SLC7A14: variants seen among roughly 807,000 people sequenced by gnomAD.
The protein encoded by SLC7A14 is gamma-aminobutyric acid transporter SLC7A14.
In SLC7A14, 37 loss-of-function variants were observed where a neutral mutation model predicts 60.2. The observed-to-expected ratio is 0.61, with a 90% CI of 0.47 to 0.81. The LOEUF is 0.81. Ranked by LOEUF, SLC7A14 falls within the 30% of genes least tolerant of loss-of-function variation. The probability of loss-of-function intolerance (pLI) is 0.00; values close to 1 mark genes in which losing one functional copy is unlikely to be tolerated. For synonymous variants in SLC7A14, 399 were observed against 395.8 expected (o/e 1.01, Z -0.10); for missense variants, 886 against 982.7 (o/e 0.90, Z 1.32).
chr3:170,527,472 A>G (rs1170082060), intron 1 of SLC7A14, among the ~76,000 whole-genome samples: 2 of 152,212 alleles, frequency 1.3e-5, no homozygotes, highest in African/African-American at 4.8e-5. Flanking sequence ...TGCCTGGCGT[A>G]TGGAAAGTGC....
At chr3:170,473,491 T>C (rs1711512912) in intron 7 of SLC7A14, among the ~76,000 whole-genome samples, 1 of 152,178 alleles carries the variant, frequency 6.6e-6, no homozygotes, top group African/African-American at 2.4e-5. Flanking sequence ...TGCCTCTTGC[T>C]GGGGTGCACT....
intron 1 of SLC7A14, among the ~76,000 whole-genome samples, chr3:170,549,900 C>G (rs1029930813): frequency 6.6e-6 from 1 of 152,132 alleles, no homozygotes; most frequent in Admixed American, 6.5e-5. Context: ...CTTTATAATT[C>G]CAGGGGCAGA....
chr3:170,470,318 G>A (rs1739855951), intron 7 of SLC7A14, among the ~76,000 whole-genome samples: 1 of 151,414 alleles, frequency 6.6e-6, no homozygotes, highest in African/African-American at 2.4e-5. Context: ...ATGTGTGTGT[G>A]TGTGTGTGTG....
chr3:170,548,767 T>C (rs1443810837), intron 1 of SLC7A14, among the ~76,000 whole-genome samples: 1 of 152,260 alleles, frequency 6.6e-6, no homozygotes, highest in Non-Finnish European at 1.5e-5. Flanking sequence ...CCTTCAGGTC[T>C]CACTCTGAGC....
At chr3:170,516,058 G>A (rs1335763499) in intron 2 of SLC7A14, among the ~76,000 whole-genome samples, 1 of 152,190 alleles carries the variant, frequency 6.6e-6, no homozygotes, top group African/African-American at 2.4e-5. Flanking sequence ...TGCAGAAGAT[G>A]TAAAAGAAGC....
intron 7 of SLC7A14, among the ~76,000 whole-genome samples, chr3:170,472,974 T>TA (rs1208269393): frequency 1.3e-5 from 2 of 152,084 alleles, no homozygotes; most frequent in Non-Finnish European, 2.9e-5. Flanking sequence ...CTTTATATAT[T>TA]AAAAAAAGCA....
At chr3:170,545,184 T>C (rs570104258) in intron 1 of SLC7A14, among the ~76,000 whole-genome samples, 10 of 152,276 alleles carry the variant, frequency 6.6e-5, no homozygotes, top group East Asian at 5.8e-4. Context: ...GAAGAGGACA[T>C]TGGGTGTCAG....
intron 2 of SLC7A14, among the ~76,000 whole-genome samples, chr3:170,512,654 ATTTTTTTTTTTT>A (rs71176570): frequency 1.1e-4 from 7 of 63,168 alleles, no homozygotes; most frequent in South Asian, 9.6e-4. Flanking sequence ...TACAATTTGC[ATTTTTTTTTTTT>A]TTTTTTTTTT....
In SLC7A14 at chr3:170,517,573, T is replaced by G. The variant is rs527626048; in HGVS notation, c.304+9060A>C. 2.6e-5 allele frequency among the ~76,000 whole-genome samples: 4 copies of G among 152,356 alleles called. No individual in the cohort carries two copies. The South Asian group carries it at 8.3e-4, about 32-fold the overall frequency. ...TTCTGAAAGATAAAACAAGGGAACC[T>G]GTCAGACTATATAGACTGAGTCTTT... is the stretch of plus-strand genomic sequence containing the variant. On this transcript the variant is annotated intron_variant, in intron 2 of 7. Transcript: ENST00000231706.
chr3:170,582,513 G>A (rs1219622199), intron 1 of SLC7A14, among the ~76,000 whole-genome samples: 2 of 152,148 alleles, frequency 1.3e-5, no homozygotes, highest in Non-Finnish European at 2.9e-5. Context: ...GTTCTAGACA[G>A]TTTAAGGTTC....
At chr3:170,528,088 T>C (rs1713564576) in intron 1 of SLC7A14, among the ~76,000 whole-genome samples, 1 of 152,216 alleles carries the variant, frequency 6.6e-6, no homozygotes, top group Non-Finnish European at 1.5e-5. Context: ...ACTGGCACGT[T>C]TGCGGTGATT....
intron 4 of SLC7A14, among the ~76,000 whole-genome samples, chr3:170,487,685 G>C (rs1257269879): frequency 1.3e-5 from 2 of 152,172 alleles, no homozygotes; most frequent in Non-Finnish European, 2.9e-5. Flanking sequence ...TTGCTCATCT[G>C]TAAAATGAGC....
chr3:170,525,159 C>T (rs1353702239), intron 2 of SLC7A14, among the ~76,000 whole-genome samples: 1 of 152,244 alleles, frequency 6.6e-6, no homozygotes, highest in African/African-American at 2.4e-5. Context: ...GGTTGGCCCA[C>T]ATGATCTGCC....
At chr3:170,574,746 TG>T (rs1362211044) in intron 1 of SLC7A14, among the ~76,000 whole-genome samples, 1 of 152,164 alleles carries the variant, frequency 6.6e-6, no homozygotes, top group Non-Finnish European at 1.5e-5. Flanking sequence ...ATCCATCCTG[TG>T]GGGTTGTGCA....
Position 170,529,073 on chromosome 3 carries a change from T to C in SLC7A14, c.-152-1985A>G, listed in dbSNP as rs141861092. ...GAGAGGGTTTATTTTTGTTTTTCCC[T>C]GAAAAGCTTGGCCTTTATTATTTCT... On this transcript the variant is annotated intron_variant, in intron 1 of 7. Coordinates refer to ENST00000231706, the MANE Select transcript of SLC7A14 (RefSeq NM_020949.3). 3.2e-3 allele frequency among the ~76,000 whole-genome samples: 485 copies of C among 152,354 alleles called. 3 individuals carry two copies. Among genetic ancestry groups the C allele is most frequent in the African/African-American group, 0.011 (456 of 41,572 alleles).
At chr3:170,528,738 C>T (rs1170546511) in intron 1 of SLC7A14, among the ~76,000 whole-genome samples, 2 of 152,190 alleles carry the variant, frequency 1.3e-5, no homozygotes, top group Non-Finnish European at 2.9e-5. Flanking sequence ...ATTTAACAGG[C>T]TAGAGTGTCT....
intron 1 of SLC7A14, among the ~76,000 whole-genome samples, chr3:170,575,851 T>C (rs1715076129): frequency 6.6e-6 from 1 of 152,180 alleles, no homozygotes; most frequent in Non-Finnish European, 1.5e-5. Context: ...TGAATTCAAA[T>C]GATATTCCTA....
In SLC7A14 at chr3:170,496,420, C is replaced by T. The variant is rs947243716; in HGVS notation, c.759+2247G>A. On this transcript the variant is annotated intron_variant, in intron 4 of 7. Coordinates refer to ENST00000231706, the MANE Select transcript of SLC7A14 (RefSeq NM_020949.3). ...GAGGGCCTCAAAGGCCAGAGGGCTT[C>T]CCTGGAGGCCCCCATCGCAGATACC... is the stretch of plus-strand genomic sequence containing the variant. The T allele has an allele frequency of 1.3e-4, 163 of 1,298,126 alleles. 1 individual carries two copies. The Admixed American group carries it at 2.7e-3, about 22-fold the overall frequency. The allele number at this position is 1,298,126 out of a possible 1,614,324, so 80.4% of individuals were successfully genotyped here.
At chr3:170,496,458 G>T in intron 4 of SLC7A14, 1 of 1,288,444 alleles carries the variant, frequency 7.8e-7, no homozygotes, top group South Asian at 1.2e-5. Flanking sequence ...GCAGCGTGGG[G>T]AGCTGGCCGT....
Sources: allele counts gnomAD v4.1 joint callset (sites outside exome capture counted in the v4.1 genomes callset), GRCh38; gene constraint gnomAD v4.1.1; transcripts MANE v1.5; gene names NCBI Gene and HGNC (gene_info 2026-07-23, HGNC 2026-07-21).